The following XPR1 variants were observed in gnomAD, a reference collection of about 807,000 sequenced individuals.
XPR1 encodes solute carrier family 53 member 1.
In XPR1, 28 loss-of-function variants were observed where a neutral mutation model predicts 87.5. The ratio of observed to expected loss-of-function variants is 0.32; its 90% confidence interval spans 0.24 to 0.44. The LOEUF is 0.44. XPR1 is among the 20% of genes least tolerant of loss of function. The pLI is 1.00. For missense variants in XPR1, 559 were observed against 862.3 expected (o/e 0.65, Z 4.41); for synonymous variants, 300 against 306.1 (o/e 0.98, Z 0.21).
rs529699034 is a variant in XPR1, at chr1:180,639,908, G to C, written c.69+7638G>C. Reference sequence around the variant, plus strand: ...CCTACAGCAAGGACAATAGAGAAAAGAAAGTTGGCTTCCCTGGATCTCATG... The same window carrying C: ...CCTACAGCAAGGACAATAGAGAAAACAAAGTTGGCTTCCCTGGATCTCATG... On this transcript the variant is annotated intron_variant, in intron 1 of 14. Transcript: ENST00000367590. Among the ~76,000 whole-genome samples the C allele has an allele frequency of 2.6e-5, 4 of 152,334 alleles. No homozygotes were observed. In the East Asian group the frequency reaches 5.8e-4, roughly 22 times the overall value.
chr1:180,786,907 A>T (rs1267390866), intron 2 of XPR1, among the ~76,000 whole-genome samples: 1 of 152,170 alleles, frequency 6.6e-6, no homozygotes, highest in South Asian at 2.1e-4. Context: ...GAAGGTTTGG[A>T]ACTTGTAATT....
At chr1:180,632,972 C>T (rs1654641909) in intron 1 of XPR1, among the ~76,000 whole-genome samples, 1 of 152,054 alleles carries the variant, frequency 6.6e-6, no homozygotes, top group African/African-American at 2.4e-5. Context: ...TTGTTTTTGC[C>T]TCTTGTTTTG....
chr1:180,814,030 AT>A (rs1402082753), intron 7 of XPR1, among the ~76,000 whole-genome samples: 3 of 152,152 alleles, frequency 2.0e-5, no homozygotes, highest in African/African-American at 7.2e-5. Context: ...GGGACTATGT[AT>A]TGTTGCATTT....
chr1:180,861,254 T>G (rs1652211185), intron 11 of XPR1, among the ~76,000 whole-genome samples: 1 of 151,764 alleles, frequency 6.6e-6, no homozygotes, highest in Non-Finnish European at 1.5e-5. Context: ...TCAGTTTTTT[T>G]AAGTGTTGTA....
At chr1:180,669,834 C>T (rs1656100281) in intron 1 of XPR1, among the ~76,000 whole-genome samples, 1 of 151,932 alleles carries the variant, frequency 6.6e-6, no homozygotes, top group African/African-American at 2.4e-5. Context: ...ACAATAATAA[C>T]TAATAATAAT....
intron 6 of XPR1, 116 bp downstream of exon 6, chr1:180,806,673 A>G (rs1267804645): frequency 1.7e-5 from 13 of 754,356 alleles, no homozygotes; most frequent in South Asian, 2.5e-5. Context: ...AGTAGTTGCT[A>G]TTTTTCTTAT....
intron 7 of XPR1, among the ~76,000 whole-genome samples, chr1:180,816,426 A>G (rs1650414246): frequency 6.6e-6 from 1 of 152,230 alleles, no homozygotes; most frequent in African/African-American, 2.4e-5. Context: ...AGCACGGACC[A>G]GTACTGGTCC....
intron 1 of XPR1, among the ~76,000 whole-genome samples, chr1:180,668,471 T>C (rs765839678): frequency 6.6e-6 from 1 of 152,168 alleles, no homozygotes; most frequent in Non-Finnish European, 1.5e-5. Flanking sequence ...TTTGTTCTTC[T>C]TTTTCTAGTT....
At chr1:180,716,093 A>G (rs1657984917) in intron 2 of XPR1, among the ~76,000 whole-genome samples, 1 of 152,140 alleles carries the variant, frequency 6.6e-6, no homozygotes, top group South Asian at 2.1e-4. Context: ...AGATCCATGT[A>G]TCAGATAAAC....
At chr1:180,733,296 C>T (rs1051207552) in intron 2 of XPR1, among the ~76,000 whole-genome samples, 2 of 152,174 alleles carry the variant, frequency 1.3e-5, no homozygotes, top group East Asian at 1.9e-4. Context: ...ACCATGCCCT[C>T]CTCTACCCAG....
At chr1:180,783,478 A>G (rs918792828) in intron 2 of XPR1, among the ~76,000 whole-genome samples, 19 of 152,028 alleles carry the variant, frequency 1.2e-4, no homozygotes, top group Admixed American at 1.2e-3. Flanking sequence ...TCCTTCTCAT[A>G]CCTACTCCCC....
At chr1:180,716,543 C>G (rs1202093475) in intron 2 of XPR1, among the ~76,000 whole-genome samples, 1 of 152,094 alleles carries the variant, frequency 6.6e-6, no homozygotes, top group Non-Finnish European at 1.5e-5. Flanking sequence ...TTTAATTTAT[C>G]CTGCCTTTTC....
intron 7 of XPR1, among the ~76,000 whole-genome samples, chr1:180,824,452 G>A (rs1284354162): frequency 3.3e-5 from 5 of 152,152 alleles, no homozygotes; most frequent in South Asian, 2.1e-4. Context: ...GTGGTGGTGC[G>A]TGCCTGTAAT....
At chr1:180,733,032 G>A (rs1057300021) in intron 2 of XPR1, among the ~76,000 whole-genome samples, 10 of 152,178 alleles carry the variant, frequency 6.6e-5, no homozygotes, top group African/African-American at 1.7e-4. Context: ...GTGGCCCACC[G>A]GCGTGCCGGT....
chr1:180,730,136 T>G (rs1294383781), intron 2 of XPR1, among the ~76,000 whole-genome samples: 1 of 152,236 alleles, frequency 6.6e-6, no homozygotes, highest in Non-Finnish European at 1.5e-5. Flanking sequence ...CACCATTTAT[T>G]GAATAGGGAA....
rs71579073 is a variant in XPR1 at position 180,840,566 on chromosome 1, GTATATATA to G, written c.1501+3867_1501+3874del. ...TGTGTGTGTGTGTGTGTGTGTGTGT[GTATATATA>G]TATATATATATATATAAACTGGACA... On this transcript the variant is annotated intron_variant, in intron 11 of 14. Transcript: ENST00000367590. 3.7e-3 allele frequency among the ~76,000 whole-genome samples: 498 copies of G among 136,366 alleles called. 5 individuals are homozygous for G. The highest frequency in any genetic ancestry group is 9.6e-3 in the African/African-American group (348 of 36,324). The allele number at this position is 136,366 out of a possible 152,430, so 89.5% of individuals were successfully genotyped here.
rs949693286 is a variant in XPR1, at chr1:180,632,069, C to T, written c.-133C>T. The T allele has an allele frequency of 3.8e-6, 4 of 1,047,238 alleles. No individual in the cohort carries two copies. Among genetic ancestry groups the T allele is most frequent in the African/African-American group, 1.6e-5 (1 of 63,416 alleles). The allele number at this position is 1,047,238 out of a possible 1,614,324, so 64.9% of individuals were successfully genotyped here. Reference sequence around the variant, plus strand: ...CGGGCGGGCTGCTCTGAAGAGACCTCGGCGGCGGCGGAGGAGGAGAGAAGC... The same window carrying T: ...CGGGCGGGCTGCTCTGAAGAGACCTTGGCGGCGGCGGAGGAGGAGAGAAGC... On this transcript the variant is annotated 5_prime_UTR_variant, in exon 1 of 15. Coordinates refer to ENST00000367590, the MANE Select transcript of XPR1 (RefSeq NM_004736.4).
intron 1 of XPR1, among the ~76,000 whole-genome samples, chr1:180,643,320 A>T (rs1205060452): frequency 6.6e-6 from 1 of 152,172 alleles, no homozygotes; most frequent in Non-Finnish European, 1.5e-5. Context: ...AAATCAGGGT[A>T]TGTCTTATAA....
intron 2 of XPR1, among the ~76,000 whole-genome samples, chr1:180,701,169 CAA>C (rs1296449795): frequency 1.9e-4 from 1 of 5,168 alleles, no homozygotes; most frequent in Non-Finnish European, 3.3e-4. Flanking sequence ...CAAACAGGGA[CAA>C]TTTGACTTCC....
Sources: gnomAD v4.1 joint callset for allele counts (sites outside exome capture counted in the v4.1 genomes callset) on GRCh38, gnomAD v4.1.1 for gene constraint, MANE v1.5 for transcripts, NCBI Gene and HGNC (gene_info 2026-07-23, HGNC 2026-07-21) for gene names.